ETV6: variants seen among roughly 807,000 people sequenced by gnomAD.
ETV6 encodes the protein transcription factor ETV6.
A neutral mutation model predicts 51.1 loss-of-function variants in ETV6; 16 were observed. The ratio of observed to expected loss-of-function variants is 0.31; its 90% CI spans 0.21 to 0.48. ETV6 has a LOEUF of 0.48. Ranked by LOEUF, ETV6 falls within the 20% of genes least tolerant of loss-of-function variation. ETV6 has a pLI of 0.99. For missense variants in ETV6, 458 were observed against 594.8 expected, an observed-to-expected ratio of 0.77 and a Z score of 2.39; for synonymous variants, 240 against 224.1, an observed-to-expected ratio of 1.07 and a Z score of -0.64.
intron 1 of ETV6, among the ~76,000 whole-genome samples, chr12:11,700,867 A>G (rs1864967178): frequency 6.6e-6 from 1 of 152,102 alleles, no homozygotes; most frequent in African/African-American, 2.4e-5. Flanking sequence ...TTCACATATA[A>G]GTGGACACAC....
At chr12:11,795,337 G>A (rs1945660277) in intron 2 of ETV6, among the ~76,000 whole-genome samples, 2 of 152,226 alleles carry the variant, frequency 1.3e-5, no homozygotes, top group Non-Finnish European at 2.9e-5. Flanking sequence ...CCAGCACCGG[G>A]CCTTCCTCAC....
intron 2 of ETV6, among the ~76,000 whole-genome samples, chr12:11,781,077 A>T (rs1422299206): frequency 6.6e-6 from 1 of 152,252 alleles, no homozygotes; most frequent in Non-Finnish European, 1.5e-5. Context: ...TCATGATACA[A>T]CAGTAAACCC....
rs1461503094 is a variant in ETV6, at chr12:11,650,226, G to C, written c.33+66G>C. Reference sequence around the variant, plus strand: ...GAGCTGCACCGGCCAGGGCAGTCGTGCTGGGCTCCTCAGAGCAGGCTGTTG... The same window carrying C: ...GAGCTGCACCGGCCAGGGCAGTCGTCCTGGGCTCCTCAGAGCAGGCTGTTG... On this transcript the variant is annotated intron_variant, in intron 1 of 7. Transcript: ENST00000396373. 7.9e-6 allele frequency: 11 copies of C among 1,395,446 alleles called. No homozygotes were observed. In the Admixed American group the frequency reaches 1.7e-4, roughly 21 times the overall value. 86.4% of individuals were successfully genotyped at this position (1,395,446 alleles called of 1,614,324 possible). A position where few individuals can be genotyped will look rare whatever the true frequency, so the allele number is the denominator to read the frequency against.
At chr12:11,750,394 G>C (rs752238373) in intron 1 of ETV6, among the ~76,000 whole-genome samples, 5 of 152,198 alleles carry the variant, frequency 3.3e-5, no homozygotes, top group Non-Finnish European at 7.3e-5. Flanking sequence ...GGTGGAGTTG[G>C]GGCAGGCGGG....
intron 2 of ETV6, among the ~76,000 whole-genome samples, chr12:11,823,448 C>G (rs1946109936): frequency 6.6e-6 from 1 of 151,652 alleles, no homozygotes; most frequent in Non-Finnish European, 1.5e-5. Flanking sequence ...GTTTTAATCC[C>G]CACTAGAGAG....
chr12:11,836,059 A>G (rs546095875), intron 2 of ETV6, among the ~76,000 whole-genome samples: 1 of 152,336 alleles, frequency 6.6e-6, no homozygotes, highest in African/African-American at 2.4e-5. Flanking sequence ...TGCTTAGTAA[A>G]TGACTATTAA....
intron 2 of ETV6, among the ~76,000 whole-genome samples, chr12:11,812,396 T>C (rs1164534300): frequency 6.6e-6 from 1 of 152,168 alleles, no homozygotes; most frequent in Non-Finnish European, 1.5e-5. Context: ...GGAATAATTC[T>C]TAGGAACCCC....
intron 1 of ETV6, among the ~76,000 whole-genome samples, chr12:11,702,161 G>A (rs1296924482): frequency 1.3e-5 from 2 of 152,094 alleles, no homozygotes; most frequent in African/African-American, 2.4e-5. Context: ...AAGGGAGCGT[G>A]GTTGCAGCAT....
intron 1 of ETV6, among the ~76,000 whole-genome samples, chr12:11,699,597 A>G (rs1864941530): frequency 6.6e-6 from 1 of 152,158 alleles, no homozygotes. Context: ...AATATATATA[A>G]ATACAGAGGA....
chr12:11,741,330 A>G (rs529077022), intron 1 of ETV6, among the ~76,000 whole-genome samples: 1 of 152,298 alleles, frequency 6.6e-6, no homozygotes, highest in East Asian at 1.9e-4. Flanking sequence ...CAATCTCTCC[A>G]TTCTCCAGCA....
chr12:11,696,332 G>A lies in ETV6; in HGVS notation c.33+46172G>A, dbSNP rs544162562. ...CAGCACATAGAGCTGTGCCTAGAGT[G>A]GTAGGCAGATCATTGTTAAAACAAT... On this transcript the variant is annotated intron_variant, in intron 1 of 7. Transcript: ENST00000396373. Among the ~76,000 whole-genome samples the A allele has an allele frequency of 2.6e-5, 4 of 152,306 alleles. No individual in the cohort carries two copies. In the South Asian group the frequency reaches 8.3e-4, roughly 32 times the overall value.
At chr12:11,709,400 C>T (rs748639613) in intron 1 of ETV6, among the ~76,000 whole-genome samples, 11 of 152,182 alleles carry the variant, frequency 7.2e-5, no homozygotes, top group Admixed American at 6.5e-5. Context: ...GATGAGGTCT[C>T]GCTATGTTGT....
intron 1 of ETV6, among the ~76,000 whole-genome samples, chr12:11,732,308 A>G (rs1865614050): frequency 6.6e-6 from 1 of 152,154 alleles, no homozygotes; most frequent in South Asian, 2.1e-4. Flanking sequence ...AGAACTGCTA[A>G]CTACCTGATT....
intron 2 of ETV6, among the ~76,000 whole-genome samples, chr12:11,758,257 T>G (rs1318962926): frequency 6.6e-6 from 1 of 152,216 alleles, no homozygotes; most frequent in Non-Finnish European, 1.5e-5. Context: ...GAGGGCTTCT[T>G]AGAAGTATCA....
intron 1 of ETV6, among the ~76,000 whole-genome samples, chr12:11,717,427 G>A (rs904249052): frequency 3.3e-5 from 5 of 152,222 alleles, no homozygotes; most frequent in African/African-American, 7.2e-5. Context: ...ACAGAGTGTA[G>A]TAACAAGCAG....
intron 4 of ETV6, among the ~76,000 whole-genome samples, chr12:11,868,035 A>G (rs959591876): frequency 6.6e-6 from 1 of 152,136 alleles, no homozygotes; most frequent in African/African-American, 2.4e-5. Context: ...CCAGCTTGCA[A>G]CTTTGAGTGG....
intron 2 of ETV6, among the ~76,000 whole-genome samples, chr12:11,828,219 T>C (rs146675390): frequency 6.6e-6 from 1 of 152,330 alleles, no homozygotes; most frequent in East Asian, 1.9e-4. Context: ...TCTCCTTGCA[T>C]AGCCAAGTTG....
intron 3 of ETV6, among the ~76,000 whole-genome samples, chr12:11,851,235 CTT>C (rs34416101): frequency 1.4e-5 from 2 of 147,460 alleles, no homozygotes. Flanking sequence ...ATTACTGGAC[CTT>C]TTTTTTTTTA....
intron 1 of ETV6, among the ~76,000 whole-genome samples, chr12:11,672,487 C>T (rs184696660): frequency 2.6e-5 from 4 of 152,320 alleles, no homozygotes; most frequent in South Asian, 2.1e-4. Flanking sequence ...CTCCTAACTT[C>T]GTTAACACAA....
Sources: gnomAD v4.1 joint callset for allele counts (sites outside exome capture counted in the v4.1 genomes callset) on GRCh38, gnomAD v4.1.1 for gene constraint, MANE v1.5 for transcripts, NCBI Gene and HGNC (gene_info 2026-07-23, HGNC 2026-07-21) for gene names.